PRMT3: variants seen among roughly 807,000 people sequenced by gnomAD.
PRMT3 encodes the protein protein arginine methyltransferase 3.
Under a neutral mutation model 71.9 loss-of-function variants are expected in PRMT3, and 62 were observed. That is an observed-to-expected ratio of 0.86 (90% CI 0.70 to 1.07). The LOEUF (loss-of-function observed/expected upper bound fraction) is 1.07, where lower values mean the gene tolerates loss of function less well. PRMT3 is among the 50% of genes least tolerant of loss of function. PRMT3 has a pLI of 0.00. For missense variants in PRMT3, 663 were observed against 643.0 expected (o/e 1.03, Z -0.34); for synonymous variants, 213 against 220.4 (o/e 0.97, Z 0.30).
At chr11:20,437,841 G>A (rs538285957) in intron 10 of PRMT3, among the ~76,000 whole-genome samples, 6 of 152,076 alleles carry the variant, frequency 3.9e-5, no homozygotes, top group Middle Eastern at 6.8e-3. Context: ...CGCCCGCCTC[G>A]GCCTCCCAAA....
Position 20,508,427 on chromosome 11 carries a change from G to GCA in PRMT3, c.*18_*19dup, listed in dbSNP as rs747944035. 4 of 1,555,966 alleles carry GCA rather than the reference G, an allele frequency of 2.6e-6. No individual in the cohort carries two copies. Among genetic ancestry groups the GCA allele is most frequent in the East Asian group, 4.5e-5 (2 of 44,578 alleles). On this transcript the variant is annotated 3_prime_UTR_variant, in exon 16 of 16. Transcript: ENST00000331079. ...GGTCTCCAGTGAAACAGCCATAAAAGCACACTACCTTGTAGTTTTTAATGT... is the reference window on the plus strand; with the variant it reads ...GGTCTCCAGTGAAACAGCCATAAAAGCACACACTACCTTGTAGTTTTTAATGT...
At chr11:20,502,734 C>G (rs1190618714) in intron 15 of PRMT3, among the ~76,000 whole-genome samples, 1 of 152,114 alleles carries the variant, frequency 6.6e-6, no homozygotes. Context: ...AACAAGACAG[C>G]TTACATATTT....
intron 13 of PRMT3, among the ~76,000 whole-genome samples, chr11:20,470,075 A>G (rs1850607095): frequency 6.6e-6 from 1 of 152,168 alleles, no homozygotes; most frequent in Non-Finnish European, 1.5e-5. Flanking sequence ...AAAAACCTAG[A>G]TTATATAGCC....
intron 3 of PRMT3, among the ~76,000 whole-genome samples, chr11:20,390,440 G>A (rs896071066): frequency 6.6e-6 from 1 of 152,070 alleles, no homozygotes; most frequent in Non-Finnish European, 1.5e-5. Context: ...GTAGATGTAG[G>A]ACTTGAAAAA....
intron 10 of PRMT3, among the ~76,000 whole-genome samples, chr11:20,450,542 T>C (rs946329092): frequency 2.1e-4 from 32 of 152,220 alleles, no homozygotes; most frequent in African/African-American, 7.2e-4. Context: ...CAGAAAAACA[T>C]GTTTCTGTCA....
intron 13 of PRMT3, among the ~76,000 whole-genome samples, chr11:20,492,691 AAATGG>A (rs1245973036): frequency 6.6e-6 from 1 of 152,234 alleles, no homozygotes; most frequent in East Asian, 1.9e-4. Flanking sequence ...TAGTGAAAGA[AAATGG>A]AATGGTATTT....
chr11:20,387,734 G>C lies in PRMT3; in HGVS notation c.-13G>C. ...CGCCCCCAGACACGCCGGGCTCTCG[G>C]GGCACCACAGCCATGTGCTCGTTAG... is the stretch of plus-strand genomic sequence containing the variant. On this transcript the variant is annotated 5_prime_UTR_variant, in exon 1 of 16. Coordinates refer to ENST00000331079, the MANE Select transcript of PRMT3 (RefSeq NM_005788.4). This position sits in a 1 kb window ranked among gnomAD's most constrained non-coding sequence, Gnocchi z 4.3. 6.5e-7 allele frequency: 1 copy of C among 1,534,212 alleles called. No homozygotes were observed. The highest frequency in any genetic ancestry group is 8.7e-7 in the Non-Finnish European group (1 of 1,143,374).
At chr11:20,491,595 A>G (rs964421616) in intron 13 of PRMT3, among the ~76,000 whole-genome samples, 4 of 152,188 alleles carry the variant, frequency 2.6e-5, no homozygotes, top group African/African-American at 9.7e-5. Context: ...TGTCTTACAC[A>G]TACCTAGTTT....
intron 15 of PRMT3, among the ~76,000 whole-genome samples, chr11:20,501,247 T>C (rs1015326835): frequency 2.0e-5 from 3 of 152,184 alleles, no homozygotes; most frequent in African/African-American, 7.2e-5. Context: ...GGAGTTCTAA[T>C]AGAAGTTCAA....
chr11:20,392,940 C>G lies in PRMT3; in HGVS notation c.341C>G (p.Pro114Arg). 3.1e-6 allele frequency: 5 copies of G among 1,607,042 alleles called. No individual in the cohort carries two copies. Among genetic ancestry groups the G allele is most frequent in the Non-Finnish European group, 3.4e-6 (4 of 1,173,700 alleles). The change falls in exon 5 of 16, where the codon CCT (proline) becomes CGT (arginine). Residue 114 changes from proline (P) to arginine (R), a missense_variant. Transcript: ENST00000331079. The part of the protein sequence containing the change: ...EYMNSIYNPV[P>R]WEKEEYLKPV... ...ATGAATTCCATATACAACCCAGTGC[C>G]TTGGGAGAAAGAAGAGTATTTGAAG...
In PRMT3 at chr11:20,412,772, G is replaced by A. The variant is rs534771497; in HGVS notation, c.893+4740G>A. Among the ~76,000 whole-genome samples, 9 of 152,178 alleles carry A rather than the reference G, an allele frequency of 5.9e-5. No homozygotes were observed. In the South Asian group the frequency reaches 1.9e-3, roughly 32 times the overall value. On this transcript the variant is annotated intron_variant, in intron 9 of 15. Coordinates refer to ENST00000331079, the MANE Select transcript of PRMT3 (RefSeq NM_005788.4). ...TTCTATTGAATCTCCTTTGGTGCAG[G>A]TGTAACTGAATCTCCTTTGATGTAG...
chr11:20,392,603 GT>G (rs963640174), intron 4 of PRMT3, among the ~76,000 whole-genome samples: 7 of 141,274 alleles, frequency 5.0e-5, no homozygotes, highest in African/African-American at 1.3e-4. Flanking sequence ...TTTTTATTCT[GT>G]TTTTTTTCAG....
At chr11:20,421,635 AT>A (rs1272226675) in intron 9 of PRMT3, among the ~76,000 whole-genome samples, 1 of 152,230 alleles carries the variant, frequency 6.6e-6, no homozygotes, top group African/African-American at 2.4e-5. Flanking sequence ...CTTGTTAATA[AT>A]TTCTTCGTAG....
chr11:20,471,609 C>A (rs916533310), intron 13 of PRMT3, among the ~76,000 whole-genome samples: 1 of 152,144 alleles, frequency 6.6e-6, no homozygotes, highest in African/African-American at 2.4e-5. Context: ...GTTTTGGTTA[C>A]TGTAGCCATA....
intron 8 of PRMT3, 34 bp downstream of exon 8, chr11:20,403,018 A>G: frequency 6.8e-7 from 1 of 1,478,526 alleles, no homozygotes; most frequent in Non-Finnish European, 9.4e-7. Context: ...TATACATTTC[A>G]TCTTGTTCTT....
intron 9 of PRMT3, among the ~76,000 whole-genome samples, chr11:20,424,042 G>A (rs1035070722): frequency 2.0e-5 from 3 of 151,856 alleles, no homozygotes; most frequent in Non-Finnish European, 2.9e-5. Context: ...AAATTAGCTG[G>A]GTGTGGTGGC....
chr11:20,479,459 AGAATTATT>A (rs1278473998), intron 13 of PRMT3, among the ~76,000 whole-genome samples: 10 of 152,198 alleles, frequency 6.6e-5, no homozygotes, highest in African/African-American at 1.9e-4. Context: ...ATAATACTAA[AGAATTATT>A]GAATTATTGA....
chr11:20,408,591 G>C (rs1214488361), intron 9 of PRMT3, among the ~76,000 whole-genome samples: 2 of 152,144 alleles, frequency 1.3e-5, no homozygotes, highest in African/African-American at 2.4e-5. Flanking sequence ...TAGCTGGGTT[G>C]ATTGATTTTA....
At chr11:20,430,414 C>T (rs1849631194) in intron 10 of PRMT3, among the ~76,000 whole-genome samples, 1 of 152,010 alleles carries the variant, frequency 6.6e-6, no homozygotes, top group Non-Finnish European at 1.5e-5. Context: ...TAGTCTGCAC[C>T]TGTTCATGAA....
Sources: allele counts gnomAD v4.1 joint callset (sites outside exome capture counted in the v4.1 genomes callset), GRCh38; gene constraint gnomAD v4.1.1; non-coding constraint Gnocchi (gnomAD v3.1); transcripts MANE v1.5; gene names NCBI Gene and HGNC (gene_info 2026-07-23, HGNC 2026-07-21).